The following DAB1 variants were observed in gnomAD, a reference collection of about 807,000 sequenced individuals.
DAB1 encodes the protein DAB adaptor protein 1.
Under a neutral mutation model 64.6 loss-of-function variants are expected in DAB1, and 15 were observed. The observed-to-expected ratio is 0.23, with a 90% CI of 0.16 to 0.36. The LOEUF is 0.36. DAB1 is among the 10% of genes least tolerant of loss of function. The probability of loss-of-function intolerance (pLI) is 1.00; values close to 1 mark genes in which losing one functional copy is unlikely to be tolerated. For synonymous variants in DAB1, 235 were observed against 251.9 expected (o/e 0.93, Z 0.64); for missense variants, 596 against 706.7 (o/e 0.84, Z 1.78).
intron 14 of DAB1, among the ~76,000 whole-genome samples, chr1:57,007,940 G>A (rs1350319669): frequency 2.0e-5 from 3 of 152,210 alleles, no homozygotes; most frequent in Non-Finnish European, 2.9e-5. Context: ...TGCTGCTGTC[G>A]ATGGAGGGAC....
chr1:58,170,510 C>T (rs928455624), intron 4 of DAB1, among the ~76,000 whole-genome samples: 11 of 151,996 alleles, frequency 7.2e-5, no homozygotes, highest in South Asian at 2.1e-4. Context: ...AACCTGGCAA[C>T]GTTGGTTTTA....
intron 2 of DAB1, among the ~76,000 whole-genome samples, chr1:58,526,596 G>A: frequency 1.1e-5 from 1 of 90,148 alleles, no homozygotes. Context: ...GCTCTCTATG[G>A]CTAGCAAAAA....
rs1324300925 is a variant in DAB1, at chr1:58,119,215, TGTGTGTGTGC to T, written n.387+31286_387+31295del. Among the ~76,000 whole-genome samples, 636 of 106,612 alleles carry T rather than the reference TGTGTGTGTGC, an allele frequency of 6.0e-3. 5 individuals carry two copies. Among genetic ancestry groups the T allele is most frequent in the African/African-American group, 0.022 (607 of 26,982 alleles). The allele number at this position is 106,612 out of a possible 152,430, so 69.9% of individuals were successfully genotyped here. On this transcript the variant is annotated intron_variant and non_coding_transcript_variant, in intron 5 of 20. Coordinates refer to the DAB1 transcript ENST00000485760. ...AAAGAGCTCTGAAAATCAAATATTGTGTGTGTGTGCGTGTGTGTGTGTGTGTGTGTGTGTG... is the reference window on the plus strand; with the variant it reads ...AAAGAGCTCTGAAAATCAAATATTGTGTGTGTGTGTGTGTGTGTGTGTGTG...
At chr1:57,797,397 C>G (rs923430586) in intron 6 of DAB1, among the ~76,000 whole-genome samples, 1 of 152,208 alleles carries the variant, frequency 6.6e-6, no homozygotes, top group African/African-American at 2.4e-5. Flanking sequence ...CTGTACGATC[C>G]TACTTTGCAA....
At chr1:57,780,657 T>G (rs1026656379) in intron 6 of DAB1, among the ~76,000 whole-genome samples, 10 of 152,106 alleles carry the variant, frequency 6.6e-5, no homozygotes, top group Admixed American at 3.9e-4. Context: ...AGGAAAAAAT[T>G]ACCATATTCC....
chr1:57,785,432 T>A (rs564603436), intron 6 of DAB1, among the ~76,000 whole-genome samples: 143 of 152,294 alleles, frequency 9.4e-4, no homozygotes, highest in African/African-American at 3.2e-3. Context: ...TTGAAACCCT[T>A]CTGGAAAAAG....
intron 1 of DAB1, 78 bp from the exon 2 acceptor site, chr1:57,291,244 C>A: frequency 2.6e-6 from 1 of 391,166 alleles, no homozygotes; most frequent in Non-Finnish European, 4.5e-6. Context: ...AGTGAATTGG[C>A]AAACATATAC....
At chr1:58,311,668 C>T (rs1374739189) in intron 4 of DAB1, among the ~76,000 whole-genome samples, 1 of 152,120 alleles carries the variant, frequency 6.6e-6, no homozygotes. Context: ...TCCTACCCAA[C>T]CCCCCTTTCT....
intron 4 of DAB1, among the ~76,000 whole-genome samples, chr1:58,217,448 G>T (rs765430318): frequency 1.4e-4 from 21 of 152,312 alleles, no homozygotes; most frequent in African/African-American, 3.4e-4. Flanking sequence ...GGAAAGATAC[G>T]CAAGTAGGGA....
At chr1:57,588,949 T>C (rs952964894) in intron 7 of DAB1, among the ~76,000 whole-genome samples, 13 of 152,104 alleles carry the variant, frequency 8.5e-5, no homozygotes, top group African/African-American at 2.7e-4. Flanking sequence ...AAAATACATA[T>C]GTTTGGCTGG....
At chr1:57,980,543 G>T (rs188714978) in intron 5 of DAB1, among the ~76,000 whole-genome samples, 5 of 152,182 alleles carry the variant, frequency 3.3e-5, no homozygotes, top group African/African-American at 1.2e-4. Context: ...ATGCTTTCTT[G>T]CCCCTATCCC....
At chr1:57,234,512 C>T (rs940773229) in intron 2 of DAB1, among the ~76,000 whole-genome samples, 3 of 151,910 alleles carry the variant, frequency 2.0e-5, no homozygotes, top group Non-Finnish European at 2.9e-5. Context: ...TAAAATAACC[C>T]TATCAGGTAA....
At chr1:58,051,310 G>C (rs1418770609) in intron 5 of DAB1, among the ~76,000 whole-genome samples, 4 of 151,112 alleles carry the variant, frequency 2.6e-5, no homozygotes, top group African/African-American at 4.9e-5. Flanking sequence ...TTGGTTTTCT[G>C]TCCTTGTGAT....
chr1:58,255,517 C>T (rs908517792), intron 4 of DAB1, among the ~76,000 whole-genome samples: 2 of 152,078 alleles, frequency 1.3e-5, no homozygotes, highest in Non-Finnish European at 2.9e-5. Context: ...TGGCCACCAA[C>T]AGCTCTAGGC....
intron 2 of DAB1, among the ~76,000 whole-genome samples, chr1:57,274,568 T>C (rs1221708017): frequency 1.3e-5 from 2 of 152,184 alleles, no homozygotes; most frequent in Non-Finnish European, 2.9e-5. Flanking sequence ...TCTGGCATAT[T>C]CCAGGCTTTC....
intron 6 of DAB1, among the ~76,000 whole-genome samples, chr1:57,701,310 T>C (rs1191254972): frequency 6.6e-6 from 1 of 152,046 alleles, no homozygotes; most frequent in Non-Finnish European, 1.5e-5. Context: ...AACCCAAATG[T>C]CCAACAATGA....
At chr1:57,956,878 A>G (rs1382446959) in intron 5 of DAB1, among the ~76,000 whole-genome samples, 9 of 152,210 alleles carry the variant, frequency 5.9e-5, no homozygotes, top group Non-Finnish European at 1.3e-4. Context: ...GGTGGAGTAG[A>G]TGTGGAGAAG....
chr1:58,317,941 G>A (rs557919223), intron 4 of DAB1, among the ~76,000 whole-genome samples: 1 of 152,334 alleles, frequency 6.6e-6, no homozygotes. Flanking sequence ...GTCAGGGACT[G>A]TGCTTTGTGT....
intron 5 of DAB1, among the ~76,000 whole-genome samples, chr1:58,059,702 A>T (rs1051558401): frequency 6.6e-6 from 1 of 152,230 alleles, no homozygotes; most frequent in South Asian, 2.1e-4. Context: ...AAAATAGCCA[A>T]ATCCACCACA....
Sources: gnomAD v4.1 joint callset for allele counts (sites outside exome capture counted in the v4.1 genomes callset) on GRCh38, gnomAD v4.1.1 for gene constraint, MANE v1.5 for transcripts, NCBI Gene and HGNC (gene_info 2026-07-23, HGNC 2026-07-21) for gene names.